Variants in ZFPM2 observed in about 807,000 individuals in gnomAD.
ZFPM2 encodes the protein zinc finger protein ZFPM2.
ZFPM2 carries 20 observed loss-of-function variants against 98.6 expected under a neutral mutation model. The ratio of observed to expected loss-of-function variants is 0.20; its 90% CI spans 0.14 to 0.29. The LOEUF (loss-of-function observed/expected upper bound fraction) is 0.29. Ranked by LOEUF, ZFPM2 falls within the 10% of genes least tolerant of loss-of-function variation. ZFPM2 has a pLI of 1.00. For synonymous variants in ZFPM2, 518 were observed against 502.7 expected, an observed-to-expected ratio of 1.03 and a Z score of -0.41; for missense variants, 1,310 against 1,388.6, an observed-to-expected ratio of 0.94 and a Z score of 0.90.
intron 4 of ZFPM2, among the ~76,000 whole-genome samples, chr8:105,578,421 TC>T (rs1815515243): frequency 6.6e-6 from 1 of 151,984 alleles, no homozygotes; most frequent in African/African-American, 2.4e-5. Context: ...CTCCAGTTTC[TC>T]CAGTTTTACT....
At chr8:105,557,377 G>T (rs933143705) in intron 3 of ZFPM2, among the ~76,000 whole-genome samples, 1 of 152,074 alleles carries the variant, frequency 6.6e-6, no homozygotes, top group Admixed American at 6.6e-5. Context: ...ATCACCTATT[G>T]CCTTCTTTAT....
intron 4 of ZFPM2, among the ~76,000 whole-genome samples, chr8:105,598,977 A>C (rs1427929418): frequency 6.6e-6 from 1 of 152,182 alleles, no homozygotes; most frequent in Non-Finnish European, 1.5e-5. Context: ...AATTGATTAA[A>C]TGAGTCTATT....
At chr8:105,389,175 G>T (rs573736244) in intron 1 of ZFPM2, among the ~76,000 whole-genome samples, 14 of 151,922 alleles carry the variant, frequency 9.2e-5, no homozygotes, top group Admixed American at 6.6e-4. Flanking sequence ...GTAGGAGAAG[G>T]CCTAAGGCGA....
intron 4 of ZFPM2, among the ~76,000 whole-genome samples, chr8:105,577,033 T>A (rs1181983682): frequency 6.6e-6 from 1 of 152,200 alleles, no homozygotes; most frequent in Admixed American, 6.6e-5. Context: ...TCTAACAGTT[T>A]TCCTCTGCTG....
chr8:105,529,974 A>T (rs1335991617), intron 3 of ZFPM2, among the ~76,000 whole-genome samples: 1 of 152,058 alleles, frequency 6.6e-6, no homozygotes, highest in Non-Finnish European at 1.5e-5. Context: ...CAAGTGATCC[A>T]CCTGCCTCGG....
At chr8:105,568,885 G>T (rs1815297152) in intron 4 of ZFPM2, among the ~76,000 whole-genome samples, 1 of 151,812 alleles carries the variant, frequency 6.6e-6, no homozygotes, top group South Asian at 2.1e-4. Context: ...TAGACTTTAG[G>T]CATTCTGAAC....
chr8:105,511,525 G>C (rs2130508903), intron 3 of ZFPM2, among the ~76,000 whole-genome samples: 2 of 152,258 alleles, frequency 1.3e-5, no homozygotes, highest in Non-Finnish European at 2.9e-5. Context: ...GCTTTATTTT[G>C]ACTTTATTAT....
intron 5 of ZFPM2, among the ~76,000 whole-genome samples, chr8:105,709,543 A>T (rs994388185): frequency 2.0e-5 from 3 of 152,144 alleles, no homozygotes; most frequent in African/African-American, 7.2e-5. Context: ...TTTTTAAAAA[A>T]ATGTATGCCA....
At chr8:105,526,248 A>G (rs564940584) in intron 3 of ZFPM2, among the ~76,000 whole-genome samples, 1 of 152,286 alleles carries the variant, frequency 6.6e-6, no homozygotes, top group East Asian at 1.9e-4. Flanking sequence ...AAATTAATAT[A>G]CAAAATCATT....
chr8:105,353,619 C>T (rs1812689286), intron 1 of ZFPM2, among the ~76,000 whole-genome samples: 1 of 152,096 alleles, frequency 6.6e-6, no homozygotes, highest in Non-Finnish European at 1.5e-5. Context: ...CAGTGCTAGG[C>T]AATAGTAGCT....
chr8:105,690,321 A>G (rs919729618), intron 5 of ZFPM2, among the ~76,000 whole-genome samples: 10 of 152,224 alleles, frequency 6.6e-5, no homozygotes, highest in Non-Finnish European at 1.5e-4. Context: ...ATGTTCTTTA[A>G]TTCTCAGAAT....
intron 3 of ZFPM2, among the ~76,000 whole-genome samples, chr8:105,480,926 A>G (rs138687725): frequency 1.5e-3 from 231 of 151,970 alleles, no homozygotes; most frequent in African/African-American, 5.4e-3. Context: ...AATTTTTTGT[A>G]TTTTTAGTAG....
intron 4 of ZFPM2, among the ~76,000 whole-genome samples, chr8:105,580,862 A>C (rs1815580218): frequency 2.0e-5 from 3 of 149,962 alleles, no homozygotes; most frequent in Admixed American, 2.0e-4. Flanking sequence ...TGAGAGAAAA[A>C]ATCTTTTTGA....
At chr8:105,678,623 A>T (rs1346871807) in intron 5 of ZFPM2, 4 of 152,210 alleles carry the variant, frequency 2.6e-5, no homozygotes, top group African/African-American at 9.6e-5. Flanking sequence ...ACTAAGTCTG[A>T]TAACTAACAA....
intron 1 of ZFPM2, among the ~76,000 whole-genome samples, chr8:105,390,840 C>T (rs1189027508): frequency 1.3e-5 from 2 of 151,888 alleles, no homozygotes; most frequent in African/African-American, 4.8e-5. Context: ...TAAATTGATC[C>T]TAGATTGGAA....
intron 3 of ZFPM2, among the ~76,000 whole-genome samples, chr8:105,486,407 T>A (rs761659976): frequency 2.4e-4 from 36 of 152,192 alleles, no homozygotes; most frequent in Non-Finnish European, 4.1e-4. Context: ...TTTAATCAAT[T>A]TGGCCTAACA....
chr8:105,322,310 T>G (rs1432331764), intron 1 of ZFPM2, among the ~76,000 whole-genome samples: 1 of 152,154 alleles, frequency 6.6e-6, no homozygotes, highest in Non-Finnish European at 1.5e-5. Context: ...TTATGATTAG[T>G]AAATGTGTTG....
At chr8:105,747,966 A>T (rs1812385887) in intron 5 of ZFPM2, among the ~76,000 whole-genome samples, 1 of 152,086 alleles carries the variant, frequency 6.6e-6, no homozygotes, top group African/African-American at 2.4e-5. Context: ...ACTTCAATGT[A>T]TGTAGCGTTT....
intron 3 of ZFPM2, among the ~76,000 whole-genome samples, chr8:105,473,867 C>A (rs1327903518): frequency 1.3e-5 from 2 of 152,080 alleles, no homozygotes; most frequent in Non-Finnish European, 2.9e-5. Flanking sequence ...TAATATATAG[C>A]ACACATACAT....
Sources: allele counts gnomAD v4.1 joint callset (sites outside exome capture counted in the v4.1 genomes callset), GRCh38; gene constraint gnomAD v4.1.1; transcripts MANE v1.5; gene names NCBI Gene and HGNC (gene_info 2026-07-23, HGNC 2026-07-21).